Variants in NKAIN3 observed in about 807,000 individuals in gnomAD.
The protein encoded by NKAIN3 is sodium/potassium-transporting ATPase subunit beta-1-interacting protein 3.
NKAIN3 carries 25 observed loss-of-function variants against 30.2 expected under a neutral mutation model. The observed-to-expected ratio is 0.83, with a 90% CI of 0.60 to 1.16. The LOEUF (loss-of-function observed/expected upper bound fraction) is 1.16. NKAIN3 is among the 50% of genes most tolerant of loss of function. The pLI is 0.00. For synonymous variants in NKAIN3, 91 were observed against 89.6 expected, an observed-to-expected ratio of 1.02 and a Z score of -0.09; for missense variants, 225 against 254.1, an observed-to-expected ratio of 0.89 and a Z score of 0.78.
intron 3 of NKAIN3, among the ~76,000 whole-genome samples, chr8:62,718,762 C>T (rs1480482840): frequency 6.6e-6 from 1 of 151,918 alleles, no homozygotes; most frequent in Admixed American, 6.6e-5. Flanking sequence ...TGTACTTCCT[C>T]ACTCTAAGAT....
chr8:62,803,749 A>G lies in NKAIN3; in HGVS notation c.471+56620A>G, dbSNP rs183307875. 2.8e-3 allele frequency among the ~76,000 whole-genome samples: 419 copies of G among 152,348 alleles called. 3 individuals are homozygous for G. The highest frequency in any genetic ancestry group is 9.7e-3 in the African/African-American group (405 of 41,594). ...CACATTCAAAAGCTAGCAGAAGGCA[A>G]GAAATAACTAAAATCAGAGCAGAAC... On this transcript the variant is annotated intron_variant, in intron 4 of 6. Transcript: ENST00000623646.
At chr8:62,998,883 A>C (rs180774310) in intron 5 of NKAIN3, among the ~76,000 whole-genome samples, 4 of 152,316 alleles carry the variant, frequency 2.6e-5, no homozygotes, top group Middle Eastern at 3.4e-3. Flanking sequence ...TAGTGATATC[A>C]GAAGAGAATA....
At chr8:62,438,549 T>A (rs1355874469) in intron 1 of NKAIN3, among the ~76,000 whole-genome samples, 1 of 151,958 alleles carries the variant, frequency 6.6e-6, no homozygotes, top group Admixed American at 6.6e-5. Flanking sequence ...GTAGGGCCGG[T>A]GTCATGAATA....
chr8:62,574,553 C>T (rs1031777062), intron 1 of NKAIN3, among the ~76,000 whole-genome samples: 12 of 152,158 alleles, frequency 7.9e-5, no homozygotes, highest in African/African-American at 1.4e-4. Flanking sequence ...ACTGAAACAG[C>T]GTGGCACTGG....
chr8:62,334,252 C>A (rs1039374835), intron 1 of NKAIN3, among the ~76,000 whole-genome samples: 1 of 151,984 alleles, frequency 6.6e-6, no homozygotes, highest in South Asian at 2.1e-4. Context: ...ACTTACAGTT[C>A]TTGGAGCTAG....
At chr8:62,660,493 G>T (rs1812911435) in intron 3 of NKAIN3, among the ~76,000 whole-genome samples, 1 of 151,826 alleles carries the variant, frequency 6.6e-6, no homozygotes. Flanking sequence ...TACACCTGGT[G>T]TTATATTAGT....
chr8:62,882,379 C>T (rs1023688432), intron 4 of NKAIN3, among the ~76,000 whole-genome samples: 4 of 152,002 alleles, frequency 2.6e-5, no homozygotes, highest in Admixed American at 6.6e-5. Flanking sequence ...AGTACAATGA[C>T]GCGATCTCTG....
chr8:62,856,060 T>TA (rs1423223597), intron 4 of NKAIN3: 1 of 698,336 alleles, frequency 1.4e-6, no homozygotes, highest in Admixed American at 2.0e-5. Context: ...ACCAAGGGCT[T>TA]ACACCCCATG....
chr8:62,296,130 G>A (rs554403341), intron 1 of NKAIN3, among the ~76,000 whole-genome samples: 1 of 152,152 alleles, frequency 6.6e-6, no homozygotes, highest in East Asian at 1.9e-4. Context: ...CTCTTTTTGT[G>A]TTTGGAGAAA....
chr8:62,942,610 A>G (rs1241455290), intron 5 of NKAIN3, among the ~76,000 whole-genome samples: 2 of 152,068 alleles, frequency 1.3e-5, no homozygotes, highest in Non-Finnish European at 2.9e-5. Flanking sequence ...TGGAGGCATC[A>G]CATTACCTGA....
intron 3 of NKAIN3, among the ~76,000 whole-genome samples, chr8:62,592,078 G>A (rs1169754047): frequency 6.6e-6 from 1 of 152,028 alleles, no homozygotes; most frequent in Non-Finnish European, 1.5e-5. Context: ...TTCTGGGATA[G>A]TGAATCTTTC....
At chr8:62,390,942 G>T (rs1410737655) in intron 1 of NKAIN3, among the ~76,000 whole-genome samples, 1 of 152,122 alleles carries the variant, frequency 6.6e-6, no homozygotes, top group South Asian at 2.1e-4. Context: ...CTGGATATTA[G>T]AACTTTGTCA....
At chr8:62,997,617 C>G (rs967007294) in intron 5 of NKAIN3, among the ~76,000 whole-genome samples, 2 of 152,110 alleles carry the variant, frequency 1.3e-5, no homozygotes, top group Admixed American at 1.3e-4. Flanking sequence ...TAAATTATAT[C>G]ATTCTGGATA....
At chr8:62,385,618 G>A (rs1817403900) in intron 1 of NKAIN3, among the ~76,000 whole-genome samples, 2 of 152,116 alleles carry the variant, frequency 1.3e-5, no homozygotes, top group Non-Finnish European at 2.9e-5. Context: ...CATATAGCAT[G>A]ACCACAATCA....
rs548566922 is a variant in NKAIN3 at position 62,722,503 on chromosome 8, G to T, written c.274-24429G>T. On this transcript the variant is annotated intron_variant, in intron 3 of 6. Coordinates refer to ENST00000623646, the MANE Select transcript of NKAIN3 (RefSeq NM_001304533.3). ...TTAGATAAGTCCTTTGTGGCCATTG[G>T]CCCTTATACACTCATGAACTATCTG... Among the ~76,000 whole-genome samples, 4 of 152,256 alleles carry T rather than the reference G, an allele frequency of 2.6e-5. No homozygotes were observed. The East Asian group carries it at 7.7e-4, about 29-fold the overall frequency.
chr8:62,751,814 C>CTGTGTGTGTGTGTGTGTGTGTGTGTG (rs3032932), intron 4 of NKAIN3, among the ~76,000 whole-genome samples: 1 of 146,584 alleles, frequency 6.8e-6, no homozygotes, highest in African/African-American at 2.5e-5. Context: ...TACTAAAAAA[C>CTGTGTGTGTGTGTGTGTGTGTGTGTG]TGTGTGTGTG....
At chr8:62,733,711 T>C (rs182483270) in intron 3 of NKAIN3, among the ~76,000 whole-genome samples, 2 of 152,100 alleles carry the variant, frequency 1.3e-5, no homozygotes, top group East Asian at 3.9e-4. Flanking sequence ...CTCCAAACTC[T>C]GATCAGATGT....
rs188730638 is a variant in NKAIN3 at position 62,448,320 on chromosome 8, G to A, written c.55-131219G>A. On this transcript the variant is annotated intron_variant, in intron 1 of 6. Transcript: ENST00000623646. ...TAGGCCAGATTTTGCAGACAAATAAGGGAGTACCAATATTACGGAAAACTT... is the reference window on the plus strand; with the variant it reads ...TAGGCCAGATTTTGCAGACAAATAAAGGAGTACCAATATTACGGAAAACTT... 7.2e-5 allele frequency among the ~76,000 whole-genome samples: 11 copies of A among 151,746 alleles called. No individual in the cohort carries two copies. In the East Asian group the frequency reaches 1.9e-3, roughly 27 times the overall value.
intron 4 of NKAIN3, among the ~76,000 whole-genome samples, chr8:62,765,324 A>G (rs148895948): frequency 1.3e-5 from 2 of 152,094 alleles, no homozygotes; most frequent in East Asian, 3.9e-4. Flanking sequence ...TGAAAAACAA[A>G]TACGGAAATC....
Sources: allele counts gnomAD v4.1 joint callset (sites outside exome capture counted in the v4.1 genomes callset), GRCh38; gene constraint gnomAD v4.1.1; transcripts MANE v1.5; gene names NCBI Gene and HGNC (gene_info 2026-07-23, HGNC 2026-07-21).